The following TANC1 variants were observed in gnomAD, a reference collection of about 807,000 sequenced individuals.
TANC1 encodes the protein protein TANC1.
Under a neutral mutation model 149.7 loss-of-function variants are expected in TANC1, and 77 were observed. The observed-to-expected ratio is 0.51, with a 90% CI of 0.43 to 0.62. TANC1 has a LOEUF of 0.62. Ranked by LOEUF, TANC1 falls within the 20% of genes least tolerant of loss-of-function variation. The pLI is 0.00. For synonymous variants in TANC1, 854 were observed against 925.0 expected (o/e 0.92, Z 1.39); for missense variants, 1,985 against 2,321.8 (o/e 0.85, Z 2.98).
At chr2:159,127,495 G>T (rs1350778522) in intron 4 of TANC1, among the ~76,000 whole-genome samples, 1 of 152,198 alleles carries the variant, frequency 6.6e-6, no homozygotes, top group African/African-American at 2.4e-5. Context: ...TTTCTGTAAA[G>T]ACGTGCACAC....
At chr2:159,010,887 G>C (rs1004231596) in intron 2 of TANC1, among the ~76,000 whole-genome samples, 1 of 151,904 alleles carries the variant, frequency 6.6e-6, no homozygotes, top group African/African-American at 2.4e-5. Context: ...GTCCATTTTG[G>C]TTTTTTTCTT....
Position 159,196,782 on chromosome 2 carries a change from G to C in TANC1, c.3154G>C (p.Gly1052Arg). The C allele has an allele frequency of 6.2e-7, 1 of 1,611,386 alleles. No homozygotes were observed. Among genetic ancestry groups the C allele is most frequent in the Non-Finnish European group, 8.5e-7 (1 of 1,179,420 alleles). The stretch of plus-strand genomic sequence containing the variant: ...GGCGCTGACCGCGGCGGCCAGCATG[G>C]GCCACAGCTCGGTGAGTGGGGCAGG... ...QQALTAAASMGHSSVVQCLLG... is the reference protein window; with the variant it reads ...QQALTAAASMRHSSVVQCLLG... The change falls in exon 18 of 27, where the codon GGC becomes CGC. Residue 1052 changes from glycine to arginine, a missense_variant. Gly to Arg is a moderately radical substitution (Grantham distance 125). Around this residue, in one of 3 missense-constraint regions of TANC1, gnomAD observed 508 missense variants for 714.2 expected, o/e 0.71. Coordinates refer to ENST00000263635, the MANE Select transcript of TANC1 (RefSeq NM_033394.3).
rs375406321 is a variant in TANC1 at position 159,029,505 on chromosome 2, T to C, written c.-16+28316T>C. ...CCTCTTTTGAAACCAAGTGTCCATA[T>C]AGTTTGAGTATTTTCACTGTGGTTT... On this transcript the variant is annotated intron_variant, in intron 2 of 26. Transcript: ENST00000263635. Among the ~76,000 whole-genome samples, 69 of 152,324 alleles carry C rather than the reference T, an allele frequency of 4.5e-4. 1 individual carries two copies. The highest frequency in any genetic ancestry group is 3.4e-3 in the Middle Eastern group (1 of 294).
chr2:159,180,552 C>T (rs2056372756), intron 14 of TANC1, among the ~76,000 whole-genome samples: 1 of 152,138 alleles, frequency 6.6e-6, no homozygotes, highest in Non-Finnish European at 1.5e-5. Context: ...CCACTGTGTT[C>T]TTAAAAGCAG....
At chr2:159,174,369 G>A (rs2150504748) in intron 11 of TANC1, among the ~76,000 whole-genome samples, 1 of 152,136 alleles carries the variant, frequency 6.6e-6, no homozygotes, top group South Asian at 2.1e-4. Flanking sequence ...GGTGATTTCG[G>A]GTTTCATTCT....
intron 2 of TANC1, among the ~76,000 whole-genome samples, chr2:159,018,445 A>T (rs2038489939): frequency 1.3e-5 from 2 of 152,008 alleles, no homozygotes; most frequent in Non-Finnish European, 2.9e-5. Context: ...AGACAAAATT[A>T]TGCAGGCTAC....
intron 16 of TANC1, among the ~76,000 whole-genome samples, chr2:159,190,411 T>C (rs2057354725): frequency 6.6e-6 from 1 of 152,212 alleles, no homozygotes; most frequent in Non-Finnish European, 1.5e-5. Flanking sequence ...TTTCCAGATG[T>C]GTATCTTCTC....
At chr2:159,099,434 ACTTTTT>A (rs1484419420) in intron 4 of TANC1, among the ~76,000 whole-genome samples, 1 of 151,856 alleles carries the variant, frequency 6.6e-6, no homozygotes, top group Non-Finnish European at 1.5e-5. Context: ...ACAGTGTTTT[ACTTTTT>A]CTTTATTATC....
chr2:158,980,846 A>G (rs766459643), intron 1 of TANC1, among the ~76,000 whole-genome samples: 28 of 151,908 alleles, frequency 1.8e-4, no homozygotes, highest in Non-Finnish European at 3.7e-4. Context: ...CCAAGATTCA[A>G]TCAAGGTTCA....
intron 7 of TANC1, among the ~76,000 whole-genome samples, chr2:159,151,696 T>C (rs2052825630): frequency 6.6e-6 from 1 of 152,184 alleles, no homozygotes; most frequent in East Asian, 1.9e-4. Flanking sequence ...ATTCCTGGGA[T>C]TGGGTTGTGG....
chr2:159,124,973 G>A (rs2049258703), intron 4 of TANC1, among the ~76,000 whole-genome samples: 1 of 150,212 alleles, frequency 6.7e-6, no homozygotes, highest in African/African-American at 2.5e-5. Context: ...GAACTCCTGG[G>A]CTCAAGTGAT....
chr2:159,045,438 ATAAAAT>A (rs1031215708), intron 2 of TANC1, among the ~76,000 whole-genome samples: 8 of 152,218 alleles, frequency 5.3e-5, no homozygotes, highest in Admixed American at 1.3e-4. Context: ...TCATAAATAA[ATAAAAT>A]TAAGATAGCC....
At position 159,097,814 on chromosome 2, in the gene TANC1, G is replaced by C; in HGVS notation, c.239G>C (p.Arg80Thr). The C allele has an allele frequency of 6.2e-7, 1 of 1,613,024 alleles. No homozygotes were observed. Among genetic ancestry groups the C allele is most frequent in the Non-Finnish European group, 8.5e-7 (1 of 1,179,372 alleles). The change falls in exon 4 of 27, where the codon AGA (arginine) becomes ACA (threonine). Residue 80 changes from arginine to threonine, a missense_variant. By Grantham distance (71) the Arg-to-Thr change is moderately conservative. Around this residue, in one of 3 missense-constraint regions of TANC1, gnomAD observed 557 missense variants for 612.9 expected, o/e 0.91. Coordinates refer to ENST00000263635, the MANE Select transcript of TANC1 (RefSeq NM_033394.3). ...LPRQSHLVQS[R>T]VNKKSPGPVR... is the part of the protein sequence containing the mutation. The stretch of plus-strand genomic sequence containing the variant: ...CGACAGTCTCACTTGGTGCAATCAA[G>C]AGTGAACAAAAAATCCCCAGGTAAA...
At chr2:159,069,263 C>G (rs749254062) in intron 3 of TANC1, among the ~76,000 whole-genome samples, 7 of 152,178 alleles carry the variant, frequency 4.6e-5, no homozygotes, top group Non-Finnish European at 7.4e-5. Flanking sequence ...CTTGTTCCTG[C>G]TGTTCCATCA....
intron 1 of TANC1, among the ~76,000 whole-genome samples, chr2:158,996,909 A>G (rs1450109106): frequency 1.3e-5 from 2 of 152,030 alleles, no homozygotes; most frequent in Non-Finnish European, 2.9e-5. Context: ...TTTATAAAAC[A>G]TCAACCAGCA....
At chr2:159,100,094 A>G (rs1439814592) in intron 4 of TANC1, among the ~76,000 whole-genome samples, 1 of 152,182 alleles carries the variant, frequency 6.6e-6, no homozygotes, top group Admixed American at 6.5e-5. Flanking sequence ...CGATATTTTT[A>G]AGGGATCTCT....
chr2:159,097,945 G>T (rs937110628), intron 4 of TANC1, 111 bp downstream of exon 4: 5 of 922,484 alleles, frequency 5.4e-6, no homozygotes, highest in South Asian at 3.5e-5. Flanking sequence ...TTTCTTTGTC[G>T]CAGTATCTTC....
intron 1 of TANC1, among the ~76,000 whole-genome samples, chr2:158,992,364 CAAA>C (rs34780271): frequency 3.0e-5 from 4 of 132,330 alleles, no homozygotes; most frequent in Middle Eastern, 3.8e-3. Flanking sequence ...TACCCTGTCT[CAAA>C]AAAAAAAAAA....
At chr2:159,096,158 GC>G (rs2046106205) in intron 3 of TANC1, among the ~76,000 whole-genome samples, 1 of 152,118 alleles carries the variant, frequency 6.6e-6, no homozygotes, top group African/African-American at 2.4e-5. Flanking sequence ...TTTTTAAGAA[GC>G]AGGTAATGAT....
Sources: gnomAD v4.1 joint callset for allele counts (sites outside exome capture counted in the v4.1 genomes callset) on GRCh38, gnomAD v4.1.1 for gene constraint, gnomAD v4.1.1 regional missense constraint, MANE v1.5 for transcripts, NCBI Gene and HGNC (gene_info 2026-07-23, HGNC 2026-07-21) for gene names.